Variants in ACOXL observed in about 807,000 individuals in gnomAD.
ACOXL encodes acyl-coenzyme A oxidase-like protein.
ACOXL carries 70 observed loss-of-function variants against 71.9 expected under a neutral mutation model. The ratio of observed to expected loss-of-function variants is 0.97; its 90% CI spans 0.80 to 1.19. The LOEUF (loss-of-function observed/expected upper bound fraction) is 1.19. Ranked by LOEUF, ACOXL falls within the 50% of genes most tolerant of loss-of-function variation. ACOXL has a pLI of 0.00. For synonymous variants in ACOXL, 253 were observed against 281.6 expected (o/e 0.90, Z 1.02); for missense variants, 703 against 736.3 (o/e 0.95, Z 0.52).
chr2:111,080,637 T>C (rs1005161349), intron 16 of ACOXL, among the ~76,000 whole-genome samples: 1 of 152,062 alleles, frequency 6.6e-6, no homozygotes, highest in Admixed American at 6.6e-5. Context: ...TTCGGAATAG[T>C]AGAAAAAGAG....
At chr2:111,053,590 T>C (rs1471983564) in intron 16 of ACOXL, among the ~76,000 whole-genome samples, 1 of 152,180 alleles carries the variant, frequency 6.6e-6, no homozygotes, top group Admixed American at 6.5e-5. Flanking sequence ...CCACTAGGAT[T>C]GTCCCCTCTT....
chr2:110,817,187 T>C (rs1165162863), intron 9 of ACOXL, among the ~76,000 whole-genome samples: 1 of 152,216 alleles, frequency 6.6e-6, no homozygotes, highest in Non-Finnish European at 1.5e-5. Context: ...TGCCACGTGC[T>C]GATGGTCTCC....
chr2:111,065,695 G>A (rs1558931181), intron 16 of ACOXL, among the ~76,000 whole-genome samples: 1 of 152,178 alleles, frequency 6.6e-6, no homozygotes, highest in Non-Finnish European at 1.5e-5. Flanking sequence ...GTTAGGAAAA[G>A]GGCAAAAGAT....
At chr2:110,958,734 T>C (rs1255689612) in intron 12 of ACOXL, among the ~76,000 whole-genome samples, 1 of 152,118 alleles carries the variant, frequency 6.6e-6, no homozygotes, top group Non-Finnish European at 1.5e-5. Flanking sequence ...GGTGTGGCAA[T>C]TTCCCCAGAA....
At chr2:110,861,640 G>A (rs1423420413) in intron 10 of ACOXL, among the ~76,000 whole-genome samples, 1 of 152,080 alleles carries the variant, frequency 6.6e-6, no homozygotes, top group African/African-American at 2.4e-5. Context: ...CAAAACACGG[G>A]GTTAAATTCT....
intron 13 of ACOXL, among the ~76,000 whole-genome samples, chr2:110,993,109 T>C (rs921934807): frequency 4.6e-5 from 7 of 152,244 alleles, no homozygotes; most frequent in African/African-American, 1.7e-4. Context: ...TAATTTAGCA[T>C]GAGCGTCATT....
intron 10 of ACOXL, among the ~76,000 whole-genome samples, chr2:110,871,202 G>A (rs537253678): frequency 2.4e-4 from 37 of 152,254 alleles, no homozygotes; most frequent in African/African-American, 8.2e-4. Context: ...CCCTTTCGGT[G>A]TGCCTGCCTG....
chr2:110,906,586 C>CA (rs78173066), intron 10 of ACOXL, among the ~76,000 whole-genome samples: 6,148 of 98,784 alleles, frequency 0.062, 234 homozygotes, highest in African/African-American at 0.12. Context: ...ATTTTTCAGC[C>CA]AAAAAAAAAA....
Position 110,935,321 on chromosome 2 carries a change from C to T in ACOXL, c.1059+1679C>T, listed in dbSNP as rs890718964. On this transcript the variant is annotated intron_variant, in intron 12 of 17. Coordinates refer to ENST00000439055, the MANE Select transcript of ACOXL (RefSeq NM_001142807.4). ...CACAGGTGGGCAGGCCCAGGGGTCT[C>T]TCACCCCCAGGCCTTCATAGCCTCC... 5.3e-5 allele frequency among the ~76,000 whole-genome samples: 8 copies of T among 152,264 alleles called. 1 individual carries two copies. Among genetic ancestry groups the T allele is most frequent in the Middle Eastern group, 6.8e-3 (2 of 294 alleles).
chr2:110,965,665 G>T (rs921849407), intron 12 of ACOXL, among the ~76,000 whole-genome samples: 1 of 152,110 alleles, frequency 6.6e-6, no homozygotes, highest in African/African-American at 2.4e-5. Flanking sequence ...AGGGACTCCT[G>T]GCCTGCTAAG....
intron 9 of ACOXL, among the ~76,000 whole-genome samples, chr2:110,818,408 A>ACATAT (rs1279476284): frequency 1.5e-4 from 20 of 131,674 alleles, no homozygotes; most frequent in Admixed American, 9.7e-4. Context: ...AAAAAAAAAA[A>ACATAT]ACATATATAT....
At chr2:110,975,466 C>T (rs1009553000) in intron 12 of ACOXL, among the ~76,000 whole-genome samples, 12 of 151,598 alleles carry the variant, frequency 7.9e-5, no homozygotes, top group African/African-American at 2.9e-4. Context: ...AAGTTGCAGA[C>T]GTCAAAACAC....
At chr2:110,875,028 C>G (rs1419623347) in intron 10 of ACOXL, among the ~76,000 whole-genome samples, 1 of 152,158 alleles carries the variant, frequency 6.6e-6, no homozygotes. Context: ...CAGCTCTAAA[C>G]CCAAGCACTG....
At chr2:111,045,586 T>C (rs2065977134) in intron 15 of ACOXL, among the ~76,000 whole-genome samples, 1 of 152,156 alleles carries the variant, frequency 6.6e-6, no homozygotes, top group Non-Finnish European at 1.5e-5. Flanking sequence ...TTAAACCTCT[T>C]TCCTTTATAA....
At chr2:111,001,633 C>T (rs1410697872) in intron 14 of ACOXL, among the ~76,000 whole-genome samples, 2 of 152,152 alleles carry the variant, frequency 1.3e-5, no homozygotes, top group East Asian at 1.9e-4. Flanking sequence ...CCATTTTCCT[C>T]ATTTTGGAGT....
At chr2:110,763,727 A>G (rs1335401311) in intron 1 of ACOXL, among the ~76,000 whole-genome samples, 1 of 152,220 alleles carries the variant, frequency 6.6e-6, no homozygotes, top group Non-Finnish European at 1.5e-5. Flanking sequence ...TGCTCTGTGA[A>G]TGTCAAAAGG....
At chr2:111,117,298 C>T (rs2070429870) in intron 17 of ACOXL, among the ~76,000 whole-genome samples, 1 of 152,166 alleles carries the variant, frequency 6.6e-6, no homozygotes, top group Admixed American at 6.5e-5. Context: ...AAGGAGGGAG[C>T]TTTAATAAAT....
intron 12 of ACOXL, among the ~76,000 whole-genome samples, chr2:110,983,106 T>G (rs1437310157): frequency 1.3e-5 from 2 of 152,360 alleles, no homozygotes; most frequent in African/African-American, 4.8e-5. Context: ...GGATTCATAA[T>G]GGATATCTGG....
intron 11 of ACOXL, among the ~76,000 whole-genome samples, chr2:110,910,870 T>G (rs2059628181): frequency 6.6e-6 from 1 of 152,228 alleles, no homozygotes; most frequent in Non-Finnish European, 1.5e-5. Context: ...TTAAATATTT[T>G]TGGTCAGTGT....
Sources: gnomAD v4.1 joint callset for allele counts (sites outside exome capture counted in the v4.1 genomes callset) on GRCh38, gnomAD v4.1.1 for gene constraint, MANE v1.5 for transcripts, NCBI Gene and HGNC (gene_info 2026-07-23, HGNC 2026-07-21) for gene names.